The following LRRC20 variants were observed in gnomAD, a reference collection of about 807,000 sequenced individuals.
The protein encoded by LRRC20 is leucine-rich repeat-containing protein 20.
LRRC20 carries 11 observed loss-of-function variants against 14.4 expected under a neutral mutation model. The observed-to-expected ratio is 0.77, with a 90% CI of 0.48 to 1.27. The LOEUF (loss-of-function observed/expected upper bound fraction) is 1.27, where lower values mean the gene tolerates loss of function less well. Among genes scored for constraint, LRRC20 ranks in the 50% most tolerant of loss-of-function variants. The pLI is 0.00. For missense variants in LRRC20, 219 were observed against 251.2 expected, an observed-to-expected ratio of 0.87 and a Z score of 0.87; for synonymous variants, 121 against 107.3, an observed-to-expected ratio of 1.13 and a Z score of -0.79.
intron 2 of LRRC20, among the ~76,000 whole-genome samples, chr10:70,342,178 C>T (rs191606952): frequency 4.6e-5 from 7 of 152,132 alleles, no homozygotes; most frequent in African/African-American, 1.7e-4. Flanking sequence ...GGCATGGTGG[C>T]ACATGCCTGC....
rs1841156153 is a variant in LRRC20 at position 70,301,017 on chromosome 10, A to C, written c.*337T>G. ...ATCTGGAGGTAACTTGGAGGCACGT[A>C]CTGCTTAAAAACCTCCAGGGAGCCC... On this transcript the variant is annotated 3_prime_UTR_variant, in exon 5 of 5. Coordinates refer to ENST00000446961, the MANE Select transcript of LRRC20 (RefSeq NM_001278212.2). 14 of 1,073,228 alleles carry C rather than the reference A, an allele frequency of 1.3e-5. No individual in the cohort carries two copies. Among genetic ancestry groups the C allele is most frequent in the Non-Finnish European group, 1.6e-5 (14 of 887,068 alleles). The allele number at this position is 1,073,228 out of a possible 1,614,324, so 66.5% of individuals were successfully genotyped here.
At chr10:70,315,580 C>T (rs1314422902) in intron 4 of LRRC20, among the ~76,000 whole-genome samples, 1 of 152,160 alleles carries the variant, frequency 6.6e-6, no homozygotes, top group Non-Finnish European at 1.5e-5. Flanking sequence ...GGATTGCTAA[C>T]ATTAGAATCA....
intron 4 of LRRC20, among the ~76,000 whole-genome samples, chr10:70,304,982 C>T (rs982504825): frequency 2.2e-4 from 33 of 152,250 alleles, no homozygotes; most frequent in African/African-American, 7.2e-4. Context: ...GTCAGGAGTT[C>T]GAGACCAGCC....
chr10:70,369,705 C>T (rs1361586633), intron 2 of LRRC20, among the ~76,000 whole-genome samples: 1 of 148,416 alleles, frequency 6.7e-6, no homozygotes, highest in Non-Finnish European at 1.5e-5. Context: ...GGAGTATTAA[C>T]ATCACCTTTG....
At chr10:70,337,519 G>A (rs1457864716) in intron 3 of LRRC20, among the ~76,000 whole-genome samples, 1 of 152,228 alleles carries the variant, frequency 6.6e-6, no homozygotes. Context: ...AAGGTGCTAC[G>A]TAAATACATT....
intron 4 of LRRC20, among the ~76,000 whole-genome samples, chr10:70,322,730 T>C (rs1842134587): frequency 6.6e-6 from 1 of 152,124 alleles, no homozygotes. Flanking sequence ...CATATTCCTA[T>C]CCTGGCACCG....
chr10:70,360,108 G>A (rs1043916289), intron 2 of LRRC20, among the ~76,000 whole-genome samples: 6 of 151,964 alleles, frequency 3.9e-5, no homozygotes, highest in African/African-American at 1.2e-4. Context: ...TAGAGACGGG[G>A]TTTCACCATC....
chr10:70,340,748 G>T (rs1842885045), intron 2 of LRRC20, 46 bp from the exon 3 acceptor site: 18 of 1,605,568 alleles, frequency 1.1e-5, no homozygotes, highest in Non-Finnish European at 1.3e-5. Flanking sequence ...AGCCACAGCT[G>T]CCCGAGAACT....
At chr10:70,306,245 T>G (rs1483741240) in intron 4 of LRRC20, among the ~76,000 whole-genome samples, 2 of 151,992 alleles carry the variant, frequency 1.3e-5, no homozygotes. Context: ...ATAACCACAG[T>G]GCAGTTAAGG....
At chr10:70,342,661 T>C (rs1842958523) in intron 2 of LRRC20, among the ~76,000 whole-genome samples, 1 of 152,198 alleles carries the variant, frequency 6.6e-6, no homozygotes, top group South Asian at 2.1e-4. Context: ...ACAAAGCGCC[T>C]AGAAGATACT....
At chr10:70,345,164 A>C (rs1843031716) in intron 2 of LRRC20, among the ~76,000 whole-genome samples, 1 of 152,198 alleles carries the variant, frequency 6.6e-6, no homozygotes, top group Admixed American at 6.5e-5. Flanking sequence ...CATAGAAAGA[A>C]ATTATGTAGT....
chr10:70,352,554 C>A (rs929232322), intron 2 of LRRC20, among the ~76,000 whole-genome samples: 1 of 152,150 alleles, frequency 6.6e-6, no homozygotes, highest in African/African-American at 2.4e-5. Flanking sequence ...AGGAGTGAAC[C>A]CTAATGTGAA....
rs887860333 is a variant in LRRC20, at chr10:70,361,225, A to G, written c.82+15227T>C. ...CCTTTGATAAGTGACATGAAATATCACCTCTCCAGAGCTGGGAAAATCAGA... is the reference window on the plus strand; with the variant it reads ...CCTTTGATAAGTGACATGAAATATCGCCTCTCCAGAGCTGGGAAAATCAGA... On this transcript the variant is annotated intron_variant, in intron 2 of 4. Transcript: ENST00000446961. Among the ~76,000 whole-genome samples the G allele has an allele frequency of 3.3e-5, 5 of 152,014 alleles. No homozygotes were observed. In the East Asian group the frequency reaches 9.6e-4, roughly 29 times the overall value.
intron 2 of LRRC20, among the ~76,000 whole-genome samples, chr10:70,354,327 G>A (rs1445686379): frequency 1.3e-5 from 2 of 152,082 alleles, no homozygotes; most frequent in East Asian, 1.9e-4. Flanking sequence ...CACTGCCAAC[G>A]TGCAGATTCT....
chr10:70,375,777 G>GC (rs56258990), intron 2 of LRRC20, among the ~76,000 whole-genome samples: 2 of 152,086 alleles, frequency 1.3e-5, no homozygotes, highest in South Asian at 2.1e-4. Context: ...GCACACACAG[G>GC]ACACACAGGT....
chr10:70,340,682 C>A lies in LRRC20; in HGVS notation c.103G>T (p.Val35Phe), dbSNP rs760653003. Residue 35 changes from valine to phenylalanine, a missense_variant, in exon 3 of 5, where the codon GTC becomes TTC. Transcript: ENST00000446961. Reference sequence around the variant, plus strand: ...TTGTAGATGCCAATGGGAAAGGAGACCAGCTTGCACTCGGCCAGGTCTGCA... The same window carrying A: ...TTGTAGATGCCAATGGGAAAGGAGAACAGCTTGCACTCGGCCAGGTCTGCA... ...DTLDLAECKL[V>F]SFPIGIYKVL... The A allele has an allele frequency of 6.2e-7, 1 of 1,614,180 alleles. No homozygotes were observed. Among genetic ancestry groups the A allele is most frequent in the Non-Finnish European group, 8.5e-7 (1 of 1,180,034 alleles).
At position 70,300,916 on chromosome 10, in the gene LRRC20, C is replaced by A. The variant is rs1047015674; in HGVS notation, c.*438G>T. ...CTTCTCTTCTCAGGGCAGCAACTGG[C>A]TCTCAGCACTAAAAACAAGGCCTCA... On this transcript the variant is annotated 3_prime_UTR_variant, in exon 5 of 5. Coordinates refer to ENST00000446961, the MANE Select transcript of LRRC20 (RefSeq NM_001278212.2). 116 of 990,982 alleles carry A rather than the reference C, an allele frequency of 1.2e-4. No individual in the cohort carries two copies. The highest frequency in any genetic ancestry group is 1.3e-4 in the Non-Finnish European group (112 of 833,950). The allele number at this position is 990,982 out of a possible 1,614,324, so 61.4% of individuals were successfully genotyped here.
At chr10:70,329,137 C>T (rs1842436944) in intron 3 of LRRC20, among the ~76,000 whole-genome samples, 1 of 152,194 alleles carries the variant, frequency 6.6e-6, no homozygotes, top group Admixed American at 6.5e-5. Flanking sequence ...ACAGGGCAGG[C>T]TCTGCTAGAC....
intron 3 of LRRC20, among the ~76,000 whole-genome samples, chr10:70,324,925 G>C (rs915330886): frequency 2.0e-5 from 3 of 152,092 alleles, no homozygotes; most frequent in African/African-American, 7.3e-5. Context: ...CCTGTAGCAA[G>C]GAGCTAACAT....
Sources: gnomAD v4.1 joint callset for allele counts (sites outside exome capture counted in the v4.1 genomes callset) on GRCh38, gnomAD v4.1.1 for gene constraint, MANE v1.5 for transcripts, NCBI Gene and HGNC (gene_info 2026-07-23, HGNC 2026-07-21) for gene names.